The following HHAT variants were observed in gnomAD, a reference collection of about 807,000 sequenced individuals.
HHAT encodes the protein protein-cysteine N-palmitoyltransferase HHAT.
Under a neutral mutation model 70.8 loss-of-function variants are expected in HHAT, and 47 were observed. The ratio of observed to expected loss-of-function variants is 0.66; its 90% CI spans 0.53 to 0.85. The LOEUF is 0.85. Among genes scored for constraint, HHAT ranks in the 40% least tolerant of loss-of-function variants. The pLI, the probability that HHAT is intolerant of heterozygous loss-of-function variation, is 0.00. For synonymous variants in HHAT, 228 were observed against 247.6 expected (o/e 0.92, Z 0.74); for missense variants, 609 against 604.8 (o/e 1.01, Z -0.07).
At chr1:210,670,341 G>T (rs555511185) in intron 11 of HHAT, among the ~76,000 whole-genome samples, 3 of 152,328 alleles carry the variant, frequency 2.0e-5, no homozygotes, top group Admixed American at 6.5e-5. Context: ...ACAGGGCCAG[G>T]CATATAGCAA....
At chr1:210,496,010 C>CAAAAAA (rs10639399) in intron 8 of HHAT, among the ~76,000 whole-genome samples, 12,612 of 66,832 alleles carry the variant, frequency 0.19, 1,652 homozygotes, top group Non-Finnish European at 0.24. Flanking sequence ...AACTCTATCT[C>CAAAAAA]AAAAAAAAAA....
At chr1:210,525,135 A>G (rs776609241) in intron 9 of HHAT, among the ~76,000 whole-genome samples, 3 of 151,932 alleles carry the variant, frequency 2.0e-5, no homozygotes, top group Non-Finnish European at 4.4e-5. Context: ...TTGCTTGGCC[A>G]TTAGTTAGTG....
chr1:210,604,832 A>G (rs1665055350), intron 10 of HHAT, among the ~76,000 whole-genome samples: 1 of 152,130 alleles, frequency 6.6e-6, no homozygotes, highest in East Asian at 1.9e-4. Flanking sequence ...CCTGGGAAAC[A>G]CAGTGAGACC....
chr1:210,488,309 TA>T lies in HHAT; in HGVS notation c.1007+23658del, dbSNP rs560779216. Among the ~76,000 whole-genome samples the T allele has an allele frequency of 6.6e-5, 10 of 152,334 alleles. No individual in the cohort carries two copies. In the East Asian group the frequency reaches 1.9e-3, roughly 29 times the overall value. On this transcript the variant is annotated intron_variant, in intron 8 of 11. Transcript: ENST00000261458. ...TGAGGCTTACCTGGACCATTCTGTT[TA>T]AAACTTCAACTGACATCCCCACTCA...
At chr1:210,341,924 C>T (rs1006093089) in intron 1 of HHAT, among the ~76,000 whole-genome samples, 2 of 152,110 alleles carry the variant, frequency 1.3e-5, no homozygotes, top group African/African-American at 4.8e-5. Context: ...GCTATGATTT[C>T]CTTTAACATC....
intron 10 of HHAT, among the ~76,000 whole-genome samples, chr1:210,611,686 C>A (rs1666615901): frequency 6.6e-6 from 1 of 152,022 alleles, no homozygotes; most frequent in Admixed American, 6.6e-5. Flanking sequence ...TTCTTCAATA[C>A]CTAGTTTATT....
chr1:210,446,120 C>G lies in HHAT; in HGVS notation c.857-18385C>G, dbSNP rs374326225. Among the ~76,000 whole-genome samples the G allele has an allele frequency of 2.6e-3, 394 of 152,248 alleles. 11 individuals carry two copies. The South Asian group carries it at 0.059, about 23-fold the overall frequency. On this transcript the variant is annotated intron_variant, in intron 7 of 11. Coordinates refer to ENST00000261458, the MANE Select transcript of HHAT (RefSeq NM_018194.6). ...CAAAGGGCGGAGCCTGTGGGAGATT[C>G]TCTTGTCGGGTGGGCGAGGGTGTGG...
Position 210,467,761 on chromosome 1 carries a change from T to A in HHAT, c.1007+3106T>A, listed in dbSNP as rs181252050. Reference sequence around the variant, plus strand: ...TCAAAGATCTACGCTGAATGAGGTTTAGAACTGCTGATAGAGGAATATTTA... The same window carrying A: ...TCAAAGATCTACGCTGAATGAGGTTAAGAACTGCTGATAGAGGAATATTTA... On this transcript the variant is annotated intron_variant, in intron 8 of 11. Coordinates refer to ENST00000261458, the MANE Select transcript of HHAT (RefSeq NM_018194.6). 3.2e-3 allele frequency among the ~76,000 whole-genome samples: 486 copies of A among 152,334 alleles called. 2 individuals are homozygous for A. Among genetic ancestry groups the A allele is most frequent in the Middle Eastern group, 0.02 (6 of 294 alleles).
chr1:210,334,642 G>T (rs2085314833), intron 1 of HHAT, among the ~76,000 whole-genome samples: 1 of 151,572 alleles, frequency 6.6e-6, no homozygotes, highest in African/African-American at 2.4e-5. Flanking sequence ...AATAGTGGAT[G>T]TATGTCATAT....
chr1:210,438,266 C>A (rs2093425618), intron 7 of HHAT, among the ~76,000 whole-genome samples: 1 of 151,728 alleles, frequency 6.6e-6, no homozygotes, highest in Admixed American at 6.6e-5. Flanking sequence ...TCAGATAACT[C>A]TAGTTGATAA....
chr1:210,661,289 T>C (rs943479961), intron 11 of HHAT, among the ~76,000 whole-genome samples: 6 of 152,216 alleles, frequency 3.9e-5, no homozygotes, highest in African/African-American at 1.4e-4. Context: ...AAGACATTTA[T>C]GCAGCCAACA....
chr1:210,329,658 C>G (rs2084812870), intron 1 of HHAT, among the ~76,000 whole-genome samples: 2 of 152,142 alleles, frequency 1.3e-5, no homozygotes, highest in Non-Finnish European at 2.9e-5. Flanking sequence ...GTACATTGCT[C>G]TTGGATCAGG....
intron 3 of HHAT, among the ~76,000 whole-genome samples, chr1:210,365,702 A>G (rs1010910843): frequency 2.6e-5 from 4 of 151,104 alleles, no homozygotes; most frequent in Non-Finnish European, 5.9e-5. Flanking sequence ...TGCAACCTCC[A>G]TCTCTCAGGT....
intron 11 of HHAT, among the ~76,000 whole-genome samples, chr1:210,673,588 CTTTT>C (rs71571962): frequency 7.1e-6 from 1 of 140,894 alleles, no homozygotes. Context: ...GTGGATTCTT[CTTTT>C]TTTTTTTTTT....
At chr1:210,565,065 G>GGGA (rs1229542222) in intron 9 of HHAT, among the ~76,000 whole-genome samples, 1 of 152,190 alleles carries the variant, frequency 6.6e-6, no homozygotes, top group East Asian at 1.9e-4. Context: ...TACTGGAGAT[G>GGGA]GGAGGTGGGA....
intron 8 of HHAT, among the ~76,000 whole-genome samples, chr1:210,489,367 CAG>C (rs2094518129): frequency 6.6e-6 from 1 of 152,128 alleles, no homozygotes; most frequent in African/African-American, 2.4e-5. Flanking sequence ...GGAGGAGTGA[CAG>C]AAAAGTCATT....
intron 7 of HHAT, among the ~76,000 whole-genome samples, chr1:210,446,384 T>C (rs1168227617): frequency 6.6e-6 from 1 of 152,196 alleles, no homozygotes; most frequent in African/African-American, 2.4e-5. Flanking sequence ...TTAACCAAGA[T>C]ACCAATCACT....
chr1:210,663,968 C>T (rs905695867), intron 11 of HHAT, among the ~76,000 whole-genome samples: 10 of 152,294 alleles, frequency 6.6e-5, no homozygotes, highest in Non-Finnish European at 1.5e-4. Context: ...AACTGTGAGG[C>T]CTGAACACCG....
intron 2 of HHAT, among the ~76,000 whole-genome samples, chr1:210,351,151 C>A (rs2086983559): frequency 6.6e-6 from 1 of 152,152 alleles, no homozygotes; most frequent in South Asian, 2.1e-4. Context: ...GGCCTGAGAA[C>A]TGGAGTAGCC....
Sources: allele counts gnomAD v4.1 joint callset (sites outside exome capture counted in the v4.1 genomes callset), GRCh38; gene constraint gnomAD v4.1.1; transcripts MANE v1.5; gene names NCBI Gene and HGNC (gene_info 2026-07-23, HGNC 2026-07-21).